AMZ1: variants seen among roughly 807,000 people sequenced by gnomAD.
AMZ1 encodes archaelysin family metallopeptidase 1, also known as archaemetzincin-1.
In AMZ1, 39 loss-of-function variants were observed where a neutral mutation model predicts 29.9. The ratio of observed to expected loss-of-function variants is 1.30; its 90% CI spans 1.01 to 1.70. The LOEUF is 1.70. AMZ1 is among the 40% of genes most tolerant of loss of function. The probability of loss-of-function intolerance (pLI) is 0.00; values close to 1 mark genes in which losing one functional copy is unlikely to be tolerated. For synonymous variants in AMZ1, 458 were observed against 304.0 expected, an observed-to-expected ratio of 1.51 and a Z score of -5.27; for missense variants, 1,041 against 680.6, an observed-to-expected ratio of 1.53 and a Z score of -5.89.
At chr7:2,762,797 G>A (rs1371784246), upstream of AMZ1, 2 of 1,535,376 alleles carry the variant, frequency 1.3e-6, no homozygotes, top group Admixed American at 2.0e-5. Flanking sequence ...GGGAGGAGGA[G>A]CACTCAGGGC....
At chr7:2,726,587 C>T (rs1789627037) in intron 4 of AMZ1, among the ~76,000 whole-genome samples, 1 of 152,242 alleles carries the variant, frequency 6.6e-6, no homozygotes, top group South Asian at 2.1e-4. Flanking sequence ...AGTCGGAGCA[C>T]ACTGTGTGCT....
intron 6 of AMZ1, among the ~76,000 whole-genome samples, chr7:2,711,401 C>G (rs1788766291): frequency 6.6e-6 from 1 of 152,206 alleles, no homozygotes; most frequent in Admixed American, 6.5e-5. Flanking sequence ...TGTAAACAGT[C>G]TCACGATGGC....
chr7:2,683,848 G>A (rs1170300072), upstream of AMZ1, among the ~76,000 whole-genome samples: 1 of 152,082 alleles, frequency 6.6e-6, no homozygotes, highest in African/African-American at 2.4e-5. Flanking sequence ...GATTACAGGC[G>A]TGAGCCACCT....
intron 4 of AMZ1, among the ~76,000 whole-genome samples, chr7:2,750,089 A>G (rs57996546): frequency 0.041 from 6,213 of 152,278 alleles, 392 homozygotes; most frequent in African/African-American, 0.14. Context: ...AACTCATAGC[A>G]AGGATGCTAT....
At position 2,719,219 on chromosome 7, in the gene AMZ1, G is replaced by A. The variant is rs960931151; in HGVS notation, c.*6341G>A. Among the ~76,000 whole-genome samples, 2 of 152,160 alleles carry A rather than the reference G, an allele frequency of 1.3e-5. No individual in the cohort carries two copies. The highest frequency in any genetic ancestry group is 1.9e-4 in the East Asian group (1 of 5,190). ...ACGGCAGGTGGCCCCTGTCGGAAGG[G>A]GGGTGTCTCTTTATTCCTGCCATCC... On this transcript the variant is annotated 3_prime_UTR_variant, in exon 7 of 7. Transcript: ENST00000683327.
chr7:2,692,385 A>C (rs1010147482), intron 1 of AMZ1, among the ~76,000 whole-genome samples: 5 of 151,690 alleles, frequency 3.3e-5, no homozygotes, highest in African/African-American at 1.2e-4. Flanking sequence ...TAAAAATACA[A>C]AAAAAAATTA....
In AMZ1 at chr7:2,714,216, A is replaced by G. The variant is rs10807805; in HGVS notation, c.*1338A>G. ...CGCGCACCCTCATCTGGAGAGAGGC[A>G]AGAACAGGGCAGCTTGGACCTTTTG... On this transcript the variant is annotated 3_prime_UTR_variant, in exon 7 of 7. Coordinates refer to ENST00000683327, the MANE Select transcript of AMZ1 (RefSeq NM_001384743.1). 0.63 allele frequency: 95,450 copies of G among 152,226 alleles called. 31,077 individuals carry two copies. Among genetic ancestry groups the G allele is most frequent in the African/African-American group, 0.78 (32,449 of 41,496 alleles). The allele number at this position is 152,226 out of a possible 1,614,324, so 9.4% of individuals were successfully genotyped here. A position where few individuals can be genotyped will look rare whatever the true frequency, so the allele number is the denominator to read the frequency against.
At chr7:2,744,282 C>A (rs1487739787) in intron 4 of AMZ1, among the ~76,000 whole-genome samples, 1 of 152,226 alleles carries the variant, frequency 6.6e-6, no homozygotes, top group Non-Finnish European at 1.5e-5. Flanking sequence ...TAGGGGCGGA[C>A]TGACACCTCA....
intron 4 of AMZ1, among the ~76,000 whole-genome samples, chr7:2,757,129 C>CTTTTTTTTTTTTTTTTTTTT (rs71026549): frequency 1.1e-5 from 1 of 94,004 alleles, no homozygotes; most frequent in African/African-American, 4.3e-5. Context: ...TCAGGTGGGC[C>CTTTTTTTTTTTTTTTTTTTT]TTTTTTTTTT....
intron 4 of AMZ1, among the ~76,000 whole-genome samples, chr7:2,753,663 G>A (rs1195746250): frequency 1.3e-5 from 2 of 152,150 alleles, no homozygotes; most frequent in African/African-American, 2.4e-5. Context: ...GTACAGGTGT[G>A]GTGTGGATGT....
intron 4 of AMZ1, among the ~76,000 whole-genome samples, chr7:2,740,399 T>C (rs1790440070): frequency 1.3e-5 from 2 of 152,170 alleles, no homozygotes; most frequent in Admixed American, 6.5e-5. Flanking sequence ...CTCCGTCCTA[T>C]GTGAGGCACC....
chr7:2,712,766 G>T lies in AMZ1; in HGVS notation c.1385G>T (p.Gly462Val), dbSNP rs1349015354. 1 of 1,594,478 alleles carries T rather than the reference G, an allele frequency of 6.3e-7. No individual in the cohort carries two copies. Among genetic ancestry groups the T allele is most frequent in the East Asian group, 2.2e-5 (1 of 44,668 alleles). Residue 462 changes from glycine to valine, a missense_variant, in exon 7 of 7, where the codon GGG becomes GTG. By Grantham distance (109) the Gly-to-Val change is moderately radical. Coordinates refer to ENST00000683327, the MANE Select transcript of AMZ1 (RefSeq NM_001384743.1). ...QDPPSSRDSV[G>V]LRKVLGDKFS... ...CCACCCAGCAGCAGGGACAGCGTGG[G>T]GCTGCGCAAGGTGCTGGGGGACAAG...
chr7:2,710,900 C>T (rs1333163238), intron 6 of AMZ1, among the ~76,000 whole-genome samples: 2 of 152,212 alleles, frequency 1.3e-5, no homozygotes, highest in South Asian at 2.1e-4. Context: ...CGTCAAGGGG[C>T]AGCTCTTAGT....
chr7:2,700,843 G>A, intron 2 of AMZ1, 88 bp downstream of exon 2: 1 of 1,501,546 alleles, frequency 6.7e-7, no homozygotes, highest in Non-Finnish European at 9.0e-7. Context: ...TAGCCCCCAG[G>A]CAGGACTGAA....
Position 2,718,268 on chromosome 7 carries a change from A to G in AMZ1, c.*5390A>G, listed in dbSNP as rs904864372. Among the ~76,000 whole-genome samples the G allele has an allele frequency of 6.6e-6, 1 of 152,186 alleles. No individual in the cohort carries two copies. The highest frequency in any genetic ancestry group is 1.5e-5 in the Non-Finnish European group (1 of 68,038). The stretch of plus-strand genomic sequence containing the variant: ...CTCTGGCTCTCCTGACTGTGGGCCC[A>G]GTGTCCATTTTCTCTCTCAGGCAGG... On this transcript the variant is annotated 3_prime_UTR_variant, in exon 7 of 7. Coordinates refer to ENST00000683327, the MANE Select transcript of AMZ1 (RefSeq NM_001384743.1).
upstream of AMZ1, chr7:2,763,043 C>A (rs895979222): frequency 1.6e-4 from 200 of 1,248,142 alleles, no homozygotes; most frequent in East Asian, 6.2e-3. Context: ...CTCAGCGTGC[C>A]GTTCCTCCAG....
At chr7:2,761,191 C>T (rs116170135), upstream of AMZ1, among the ~76,000 whole-genome samples, 1,861 of 152,264 alleles carry the variant, frequency 0.012, 48 homozygotes, top group African/African-American at 0.042. Context: ...CACGGCACTG[C>T]GCAAACAAGC....
intron 4 of AMZ1, among the ~76,000 whole-genome samples, chr7:2,732,147 G>A (rs1789929013): frequency 6.6e-6 from 1 of 152,212 alleles, no homozygotes; most frequent in African/African-American, 2.4e-5. Flanking sequence ...GGTTTTGAAT[G>A]TGATGTAAAT....
chr7:2,731,568 G>C lies in AMZ1; in HGVS notation n.550+21752G>C, dbSNP rs774944056. The C allele has an allele frequency of 4.3e-5, 70 of 1,612,806 alleles. No homozygotes were observed. The Middle Eastern group carries it at 1.5e-3, about 34-fold the overall frequency. ...TGAGGACCTGGTCGTACTCGCTGGAGGAGACCATGAACAGGATGGACGTGA... is the reference window on the plus strand; with the variant it reads ...TGAGGACCTGGTCGTACTCGCTGGACGAGACCATGAACAGGATGGACGTGA... On this transcript the variant is annotated intron_variant and non_coding_transcript_variant, in intron 4 of 4. Coordinates refer to the AMZ1 transcript ENST00000489665. The surrounding 1 kb of genome is among the most constrained non-coding windows in gnomAD (Gnocchi z 6.0).
Sources: allele counts gnomAD v4.1 joint callset (sites outside exome capture counted in the v4.1 genomes callset), GRCh38; gene constraint gnomAD v4.1.1; non-coding constraint Gnocchi (gnomAD v3.1); transcripts MANE v1.5; gene names NCBI Gene and HGNC (gene_info 2026-07-23, HGNC 2026-07-21).